The following C4orf36 variants were observed in gnomAD, a reference collection of about 807,000 sequenced individuals.
C4orf36 encodes chromosome 4 open reading frame 36, also known as uncharacterized protein C4orf36.
A neutral mutation model predicts 12.2 loss-of-function variants in C4orf36; 11 were observed. The ratio of observed to expected loss-of-function variants is 0.90; its 90% CI spans 0.57 to 1.49. The LOEUF (loss-of-function observed/expected upper bound fraction) is 1.49. Among genes scored for constraint, C4orf36 ranks in the 40% most tolerant of loss-of-function variants. The pLI is 0.00. For missense variants in C4orf36, 137 were observed against 133.9 expected (o/e 1.02, Z -0.11); for synonymous variants, 54 against 51.3 (o/e 1.05, Z -0.22).
chr4:86,897,846 C>T, the C4orf36 span, among the ~76,000 whole-genome samples: 2 of 152,202 alleles, frequency 1.3e-5, no homozygotes, highest in African/African-American at 4.8e-5. Flanking sequence ...ACCAAACCTG[C>T]ATCTGCCACG....
chr4:86,929,683 T>C, the C4orf36 span, among the ~76,000 whole-genome samples: 101 of 152,338 alleles, frequency 6.6e-4, 1 homozygote, highest in African/African-American at 2.3e-3. Flanking sequence ...AGAACAAGGT[T>C]ATTCTCTTAC....
upstream of C4orf36, among the ~76,000 whole-genome samples, chr4:86,894,133 G>A (rs1368466051): frequency 5.3e-5 from 8 of 152,042 alleles, 1 homozygote; most frequent in Admixed American, 5.2e-4. Context: ...TCCTGACCTC[G>A]TGATCCGCCC....
chr4:86,877,862 C>T (rs905811670), intron 4 of C4orf36, among the ~76,000 whole-genome samples: 1 of 152,146 alleles, frequency 6.6e-6, no homozygotes, highest in Non-Finnish European at 1.5e-5. Flanking sequence ...ATAAAATCTG[C>T]ATTTCTATAA....
intron 4 of C4orf36, among the ~76,000 whole-genome samples, chr4:86,882,916 C>T (rs1169870676): frequency 6.6e-6 from 1 of 152,138 alleles, no homozygotes; most frequent in East Asian, 1.9e-4. Flanking sequence ...TTTCCCTCTT[C>T]GAAGAAAGAG....
In C4orf36 at chr4:86,892,369, G is replaced by C. The variant is rs1747458959; in HGVS notation, c.-260C>G. 3.0e-6 allele frequency: 3 copies of C among 985,332 alleles called. No individual in the cohort carries two copies. In the African/African-American group the frequency reaches 5.2e-5, roughly 17 times the overall value. 61.0% of individuals were successfully genotyped at this position (985,332 alleles called of 1,614,324 possible). On this transcript the variant is annotated 5_prime_UTR_variant, in exon 1 of 5. Transcript: ENST00000295898. ...GCGCACATGGCCGCGCACACGCCTC[G>C]GGGCCGCGCCGCAGGCACACGCCTC...
the C4orf36 span, among the ~76,000 whole-genome samples, chr4:86,928,687 T>C: frequency 1.3e-5 from 2 of 152,220 alleles, no homozygotes; most frequent in Non-Finnish European, 2.9e-5. Context: ...TGTTCTTTTT[T>C]TCTTTTTACA....
the C4orf36 span, chr4:86,914,121 T>G: frequency 8.1e-6 from 13 of 1,603,088 alleles, no homozygotes; most frequent in South Asian, 1.2e-4. Flanking sequence ...AGACTCAAAG[T>G]AACAAACAGA....
At chr4:86,912,111 G>A in the C4orf36 span, among the ~76,000 whole-genome samples, 1 of 152,170 alleles carries the variant, frequency 6.6e-6, no homozygotes, top group Admixed American at 6.5e-5. Context: ...CTGACCGCAG[G>A]TGATCCACCC....
At chr4:86,906,001 G>C in the C4orf36 span, among the ~76,000 whole-genome samples, 18 of 152,196 alleles carry the variant, frequency 1.2e-4, no homozygotes, top group African/African-American at 3.6e-4. Context: ...GATTACCCAC[G>C]TGAGCCACCG....
chr4:86,881,464 G>T (rs927520388), intron 4 of C4orf36, among the ~76,000 whole-genome samples: 1 of 152,102 alleles, frequency 6.6e-6, no homozygotes, highest in Admixed American at 6.6e-5. Flanking sequence ...GCCACGCATG[G>T]TGGGACCATA....
In C4orf36 at chr4:86,892,120, G is replaced by A. The variant is rs1348195350; in HGVS notation, c.-74+63C>T. 8.1e-6 allele frequency: 8 copies of A among 985,610 alleles called. 1 individual carries two copies. The highest frequency in any genetic ancestry group is 8.4e-6 in the Non-Finnish European group (7 of 830,160). 61.1% of individuals were successfully genotyped at this position (985,610 alleles called of 1,614,324 possible). A position where few individuals can be genotyped will look rare whatever the true frequency, so the allele number is the denominator to read the frequency against. On this transcript the variant is annotated intron_variant, in intron 1 of 4. Transcript: ENST00000295898. Reference sequence around the variant, plus strand: ...GAACTGGTTCCCGGGACGGGTGGGGGCCTCGGCCGCCCACAGAGCCCGCGG... The same window carrying A: ...GAACTGGTTCCCGGGACGGGTGGGGACCTCGGCCGCCCACAGAGCCCGCGG...
At chr4:86,932,299 A>G in the C4orf36 span, 5 of 146,036 alleles carry the variant, frequency 3.4e-5, no homozygotes, top group African/African-American at 1.3e-4. Flanking sequence ...GCGAGCTGAG[A>G]TGGTGCCATT....
At chr4:86,910,874 G>A in the C4orf36 span, among the ~76,000 whole-genome samples, 1 of 151,870 alleles carries the variant, frequency 6.6e-6, no homozygotes, top group Non-Finnish European at 1.5e-5. Context: ...GACCATCCTG[G>A]CCAACATGGT....
At chr4:86,907,800 T>C in the C4orf36 span, among the ~76,000 whole-genome samples, 1 of 151,818 alleles carries the variant, frequency 6.6e-6, no homozygotes, top group African/African-American at 2.4e-5. Flanking sequence ...AAACCCCATC[T>C]ATCCTAAAAA....
upstream of C4orf36, among the ~76,000 whole-genome samples, chr4:86,893,686 G>A (rs1747515638): frequency 6.6e-6 from 1 of 151,856 alleles, no homozygotes; most frequent in Non-Finnish European, 1.5e-5. Flanking sequence ...TTTCAAAGGT[G>A]CTTTTGTGCC....
the C4orf36 span, among the ~76,000 whole-genome samples, chr4:86,930,163 C>A: frequency 6.6e-6 from 1 of 152,218 alleles, no homozygotes; most frequent in African/African-American, 2.4e-5. Flanking sequence ...TCTATTATTT[C>A]TTTTCCTTCC....
the C4orf36 span, among the ~76,000 whole-genome samples, chr4:86,903,768 T>C: frequency 6.6e-6 from 1 of 152,134 alleles, no homozygotes; most frequent in African/African-American, 2.4e-5. Flanking sequence ...GATTGGCCCA[T>C]TTTACAGAGA....
At chr4:86,882,603 A>G (rs1204448758) in intron 4 of C4orf36, among the ~76,000 whole-genome samples, 1 of 152,098 alleles carries the variant, frequency 6.6e-6, no homozygotes, top group East Asian at 1.9e-4. Context: ...AACCTTACAA[A>G]CCTTCTTTTC....
chr4:86,934,346 G>A, the C4orf36 span: 1 of 152,162 alleles, frequency 6.6e-6, no homozygotes, highest in African/African-American at 2.4e-5. Context: ...TTCTTCCCAT[G>A]GGTCTATTTG....
Sources: allele counts gnomAD v4.1 joint callset (sites outside exome capture counted in the v4.1 genomes callset), GRCh38; gene constraint gnomAD v4.1.1; transcripts MANE v1.5; gene names NCBI Gene and HGNC (gene_info 2026-07-23, HGNC 2026-07-21).